The following TAFA2 variants were observed in gnomAD, a reference collection of about 807,000 sequenced individuals.
TAFA2 encodes the protein chemokine-like protein TAFA-2.
A neutral mutation model predicts 18.8 loss-of-function variants in TAFA2; 7 were observed. That is an observed-to-expected ratio of 0.37 (90% CI 0.21 to 0.70). TAFA2 has a LOEUF of 0.70. Among genes scored for constraint, TAFA2 ranks in the 30% least tolerant of loss-of-function variants. The pLI, the probability that TAFA2 is intolerant of heterozygous loss-of-function variation, is 0.53. For synonymous variants in TAFA2, 60 were observed against 54.2 expected (o/e 1.11, Z -0.47); for missense variants, 122 against 158.1 (o/e 0.77, Z 1.23).
chr12:61,973,589 T>A (rs1226224086), intron 1 of TAFA2, among the ~76,000 whole-genome samples: 3 of 151,636 alleles, frequency 2.0e-5, no homozygotes, highest in Non-Finnish European at 3.0e-5. Context: ...AACAATTATA[T>A]CTCAATCCCC....
intron 1 of TAFA2, among the ~76,000 whole-genome samples, chr12:61,904,058 C>T (rs1183416733): frequency 6.6e-6 from 1 of 152,142 alleles, no homozygotes; most frequent in African/African-American, 2.4e-5. Context: ...AAGAAACTGA[C>T]ACAATATTAT....
intron 2 of TAFA2, among the ~76,000 whole-genome samples, chr12:61,771,934 CAA>C (rs1870046751): frequency 7.0e-6 from 1 of 143,758 alleles, no homozygotes; most frequent in South Asian, 2.2e-4. Context: ...ATAAATGAAA[CAA>C]AAATATGTTT....
In TAFA2 at chr12:62,242,430, A is replaced by G. The variant is rs916074072; in HGVS notation, c.-130+16333T>C. 6 of 150,636 alleles carry G rather than the reference A, an allele frequency of 4.0e-5. No individual in the cohort carries two copies. The Admixed American group carries it at 4.0e-4, about 10-fold the overall frequency. 9.3% of individuals were successfully genotyped at this position (150,636 alleles called of 1,614,324 possible). On this transcript the variant is annotated intron_variant, in intron 1 of 5. Transcript: ENST00000551619. ...CATAGCCATAAGATGCAGACACAGA[A>G]TAGAGATTTATTTGTTTATTAATTT...
At chr12:61,949,467 T>C (rs988183106) in intron 1 of TAFA2, among the ~76,000 whole-genome samples, 2 of 152,000 alleles carry the variant, frequency 1.3e-5, no homozygotes, top group Non-Finnish European at 2.9e-5. Flanking sequence ...TAATGACCAG[T>C]AGATAACAGA....
chr12:61,896,264 G>A (rs533586531), intron 1 of TAFA2, among the ~76,000 whole-genome samples: 1 of 152,174 alleles, frequency 6.6e-6, no homozygotes, highest in Non-Finnish European at 1.5e-5. Context: ...TGGCTCTGGG[G>A]TTGAGAGTTA....
At chr12:61,730,100 A>T (rs777852521) in intron 4 of TAFA2, among the ~76,000 whole-genome samples, 2 of 152,130 alleles carry the variant, frequency 1.3e-5, no homozygotes, top group African/African-American at 2.4e-5. Context: ...CCAGCCATGG[A>T]TACCAGCACC....
intron 1 of TAFA2, among the ~76,000 whole-genome samples, chr12:61,998,600 G>C (rs1473985267): frequency 6.6e-6 from 1 of 152,174 alleles, no homozygotes; most frequent in Non-Finnish European, 1.5e-5. Context: ...TGGGGAAACT[G>C]AAGCTCCAAG....
chr12:61,796,363 AT>A (rs1197634616), intron 2 of TAFA2, among the ~76,000 whole-genome samples: 2 of 152,186 alleles, frequency 1.3e-5, no homozygotes, highest in Non-Finnish European at 2.9e-5. Context: ...AACTATTTAT[AT>A]TAGCAACAAC....
intron 1 of TAFA2, among the ~76,000 whole-genome samples, chr12:62,210,061 G>T (rs1359376333): frequency 1.3e-5 from 2 of 152,048 alleles, no homozygotes; most frequent in Non-Finnish European, 2.9e-5. Context: ...TTAGCCGGGC[G>T]TGGTGGTGGG....
intron 1 of TAFA2, among the ~76,000 whole-genome samples, chr12:62,024,782 T>C (rs1881260715): frequency 6.6e-6 from 1 of 151,652 alleles, no homozygotes; most frequent in African/African-American, 2.4e-5. Flanking sequence ...AATAACCCCA[T>C]TAAAAAAATG....
At chr12:62,023,350 TATAC>T (rs945984252) in intron 1 of TAFA2, among the ~76,000 whole-genome samples, 5 of 151,820 alleles carry the variant, frequency 3.3e-5, no homozygotes, top group Admixed American at 3.3e-4. Flanking sequence ...GGAAATTTTT[TATAC>T]ATCTAAATAT....
chr12:61,979,362 G>A (rs987361622), intron 1 of TAFA2, among the ~76,000 whole-genome samples: 3 of 152,048 alleles, frequency 2.0e-5, no homozygotes, highest in African/African-American at 7.2e-5. Context: ...CTTCAATGAA[G>A]GTTTTAAAAT....
intron 1 of TAFA2, among the ~76,000 whole-genome samples, chr12:62,240,744 C>G (rs1431939434): frequency 6.6e-6 from 1 of 152,222 alleles, no homozygotes; most frequent in Middle Eastern, 3.4e-3. Flanking sequence ...GGACCGGTAG[C>G]AGTCCATGGT....
intron 1 of TAFA2, among the ~76,000 whole-genome samples, chr12:61,895,482 T>C (rs1012867696): frequency 3.9e-5 from 6 of 152,160 alleles, no homozygotes; most frequent in African/African-American, 1.4e-4. Flanking sequence ...TCCAGGCTCT[T>C]ATGGCTAAGT....
chr12:62,132,191 C>G (rs771194706), intron 1 of TAFA2, among the ~76,000 whole-genome samples: 63 of 151,886 alleles, frequency 4.1e-4, no homozygotes, highest in Admixed American at 2.8e-3. Flanking sequence ...AATTCGAGCT[C>G]ACATTCACAA....
At chr12:62,091,398 A>G (rs905732708) in intron 1 of TAFA2, among the ~76,000 whole-genome samples, 2 of 152,000 alleles carry the variant, frequency 1.3e-5, no homozygotes, top group Admixed American at 6.6e-5. Flanking sequence ...TTAAAAATGA[A>G]TATTTGCTTC....
At chr12:62,197,346 C>A (rs1371448459), upstream of TAFA2, among the ~76,000 whole-genome samples, 2 of 152,226 alleles carry the variant, frequency 1.3e-5, no homozygotes, top group African/African-American at 4.8e-5. Context: ...AAACACTGAA[C>A]TTAACTGGAT....
intron 2 of TAFA2, among the ~76,000 whole-genome samples, chr12:61,817,592 T>A (rs562542488): frequency 6.6e-6 from 1 of 152,168 alleles, no homozygotes; most frequent in East Asian, 1.9e-4. Flanking sequence ...TTAAAGTTAG[T>A]GTTTTAAAGA....
intron 1 of TAFA2, among the ~76,000 whole-genome samples, chr12:62,147,410 A>C (rs117879705): frequency 0.056 from 8,040 of 144,276 alleles, 324 homozygotes; most frequent in South Asian, 0.1. Flanking sequence ...CTGAGACCTA[A>C]TTTAACCAAA....
Sources: allele counts gnomAD v4.1 joint callset (sites outside exome capture counted in the v4.1 genomes callset), GRCh38; gene constraint gnomAD v4.1.1; transcripts MANE v1.5; gene names NCBI Gene and HGNC (gene_info 2026-07-23, HGNC 2026-07-21).